The following ACYP2 variants were observed in gnomAD, a reference collection of about 807,000 sequenced individuals.
The protein encoded by ACYP2 is acylphosphatase 2, also known as acylphosphatase-2.
A neutral mutation model predicts 11.2 loss-of-function variants in ACYP2; 12 were observed. The observed-to-expected ratio is 1.08, with a 90% confidence interval of 0.69 to 1.74. The LOEUF is 1.74. Among genes scored for constraint, ACYP2 ranks in the 40% most tolerant of loss-of-function variants. The pLI, the probability that ACYP2 is intolerant of heterozygous loss-of-function variation, is 0.00. For missense variants in ACYP2, 134 were observed against 101.9 expected (o/e 1.31, Z -1.35); for synonymous variants, 43 against 32.2 (o/e 1.33, Z -1.13).
chr2:54,097,265 C>T (rs546142336), intron 4 of ACYP2, among the ~76,000 whole-genome samples: 2 of 152,338 alleles, frequency 1.3e-5, no homozygotes, highest in South Asian at 4.1e-4. Context: ...TTATAACTTA[C>T]TATGTCTATG....
intron 2 of ACYP2, among the ~76,000 whole-genome samples, chr2:54,004,909 A>AAAC (rs1553352353): frequency 0.079 from 11,047 of 140,294 alleles, 661 homozygotes; most frequent in African/African-American, 0.13. Context: ...AAAAAAAAAA[A>AAAC]AAAAAACAAA....
At chr2:54,256,866 C>A (rs536205882) in intron 6 of ACYP2, among the ~76,000 whole-genome samples, 1 of 152,222 alleles carries the variant, frequency 6.6e-6, no homozygotes, top group South Asian at 2.1e-4. Flanking sequence ...CATGGTTTTG[C>A]CATGTTGGCC....
chr2:54,044,383 C>T (rs1379582010), intron 2 of ACYP2, among the ~76,000 whole-genome samples: 1 of 150,784 alleles, frequency 6.6e-6, no homozygotes, highest in Non-Finnish European at 1.5e-5. Flanking sequence ...TCACTTGGGA[C>T]GAGGAGTTCA....
At chr2:54,167,328 A>G (rs1683026900) in intron 6 of ACYP2, among the ~76,000 whole-genome samples, 1 of 152,232 alleles carries the variant, frequency 6.6e-6, no homozygotes, top group African/African-American at 2.4e-5. Context: ...TGAACAGCAC[A>G]GGGCCCAGTA....
At chr2:54,175,837 C>A (rs1683434973) in intron 6 of ACYP2, among the ~76,000 whole-genome samples, 1 of 152,132 alleles carries the variant, frequency 6.6e-6, no homozygotes, top group Non-Finnish European at 1.5e-5. Flanking sequence ...TTGTATCCCT[C>A]CAAAATCATA....
intron 6 of ACYP2, among the ~76,000 whole-genome samples, chr2:54,203,566 TC>T (rs1684943567): frequency 6.6e-6 from 1 of 152,224 alleles, no homozygotes; most frequent in African/African-American, 2.4e-5. Flanking sequence ...AATAATTTGT[TC>T]TTTTATAATC....
chr2:54,293,828 C>T (rs920392848), intron 6 of ACYP2, among the ~76,000 whole-genome samples: 19 of 152,188 alleles, frequency 1.2e-4, no homozygotes, highest in Admixed American at 2.0e-4. Context: ...GGCTACATAT[C>T]TGACAAATAT....
intron 3 of ACYP2, among the ~76,000 whole-genome samples, chr2:54,053,919 C>G (rs897507660): frequency 6.6e-6 from 1 of 152,182 alleles, no homozygotes; most frequent in African/African-American, 2.4e-5. Context: ...AACAGGTGTT[C>G]TGGTCTTTCA....
intron 2 of ACYP2, among the ~76,000 whole-genome samples, chr2:54,032,504 T>C (rs1674637454): frequency 1.3e-5 from 2 of 152,226 alleles, no homozygotes; most frequent in African/African-American, 2.4e-5. Flanking sequence ...TTGGTACCAG[T>C]ACCATGCTGC....
At chr2:54,111,445 T>C (rs1478958132) in intron 4 of ACYP2, among the ~76,000 whole-genome samples, 1 of 152,104 alleles carries the variant, frequency 6.6e-6, no homozygotes, top group Non-Finnish European at 1.5e-5. Flanking sequence ...TAATGTTACA[T>C]ATCCTTCTGA....
At chr2:54,005,505 A>G (rs1456975208) in intron 2 of ACYP2, among the ~76,000 whole-genome samples, 2 of 151,990 alleles carry the variant, frequency 1.3e-5, no homozygotes, top group Non-Finnish European at 2.9e-5. Flanking sequence ...AAACCTGGCT[A>G]ATTTTTGTAT....
chr2:54,133,380 A>G (rs991175061), intron 4 of ACYP2, among the ~76,000 whole-genome samples: 7 of 151,858 alleles, frequency 4.6e-5, no homozygotes, highest in Admixed American at 1.3e-4. Flanking sequence ...TCTATTCCCA[A>G]TGTTTTTTAA....
intron 4 of ACYP2, among the ~76,000 whole-genome samples, chr2:54,071,079 C>A (rs2103648040): frequency 6.6e-6 from 1 of 152,170 alleles, no homozygotes; most frequent in Middle Eastern, 3.4e-3. Flanking sequence ...TTTGACTAAT[C>A]CAAACACCCT....
rs149345534 is a variant in ACYP2, at chr2:54,197,517, A to G, written c.404+58769A>G. Among the ~76,000 whole-genome samples, 805 of 152,306 alleles carry G rather than the reference A, an allele frequency of 5.3e-3. 10 individuals carry two copies. Among genetic ancestry groups the G allele is most frequent in the African/African-American group, 0.018 (758 of 41,572 alleles). On this transcript the variant is annotated intron_variant, in intron 6 of 6. Coordinates refer to ENST00000607452, the MANE Select transcript of ACYP2 (RefSeq NM_001320586.2). Reference sequence around the variant, plus strand: ...GTAAGCAACATAGTATCCAAAACCAATGCATGCTCTGAGAAGACAGAACGA... The same window carrying G: ...GTAAGCAACATAGTATCCAAAACCAGTGCATGCTCTGAGAAGACAGAACGA...
rs6758933 is a variant in ACYP2, at chr2:54,052,276, A to G, written c.155+1226A>G. On this transcript the variant is annotated intron_variant, in intron 3 of 6. Coordinates refer to ENST00000607452, the MANE Select transcript of ACYP2 (RefSeq NM_001320586.2). ...AAGTCTGTGTAAGATTTATTTTTAAACTATACCGTGTCATTTTTTGTATGG... is the reference window on the plus strand; with the variant it reads ...AAGTCTGTGTAAGATTTATTTTTAAGCTATACCGTGTCATTTTTTGTATGG... Among the ~76,000 whole-genome samples, 153 of 152,236 alleles carry G rather than the reference A, an allele frequency of 1.0e-3. 1 individual carries two copies. Among genetic ancestry groups the G allele is most frequent in the African/African-American group, 3.6e-3 (150 of 41,546 alleles).
At chr2:54,280,861 A>G (rs749369787) in intron 6 of ACYP2, among the ~76,000 whole-genome samples, 18 of 152,174 alleles carry the variant, frequency 1.2e-4, no homozygotes, top group Non-Finnish European at 1.9e-4. Context: ...GGTAACTGGA[A>G]GATAGGTTTG....
intron 6 of ACYP2, among the ~76,000 whole-genome samples, chr2:54,150,487 A>G (rs1473532512): frequency 6.6e-6 from 1 of 151,670 alleles, no homozygotes; most frequent in Non-Finnish European, 1.5e-5. Context: ...GTGCCCTGAT[A>G]CTCGGCTCAT....
At chr2:54,295,847 G>A (rs546060144) in intron 6 of ACYP2, among the ~76,000 whole-genome samples, 89 of 151,944 alleles carry the variant, frequency 5.9e-4, no homozygotes, top group African/African-American at 2.0e-3. Context: ...TGCAACCTCC[G>A]CCTCCCGGGT....
intron 4 of ACYP2, among the ~76,000 whole-genome samples, chr2:54,084,333 C>T (rs1341993522): frequency 4.6e-5 from 7 of 152,150 alleles, no homozygotes; most frequent in Non-Finnish European, 7.4e-5. Context: ...CTCACTCTGT[C>T]GTCCAGGCTG....
Sources: gnomAD v4.1 joint callset for allele counts (sites outside exome capture counted in the v4.1 genomes callset) on GRCh38, gnomAD v4.1.1 for gene constraint, MANE v1.5 for transcripts, NCBI Gene and HGNC (gene_info 2026-07-23, HGNC 2026-07-21) for gene names.